Variants in NRXN3 observed in about 807,000 individuals in gnomAD.
NRXN3 encodes the protein neurexin 3.
Under a neutral mutation model 137.6 loss-of-function variants are expected in NRXN3, and 32 were observed. The observed-to-expected ratio is 0.23, with a 90% CI of 0.18 to 0.31. The LOEUF (loss-of-function observed/expected upper bound fraction) is 0.31. NRXN3 is among the 10% of genes least tolerant of loss of function. NRXN3 has a pLI of 1.00. For missense variants in NRXN3, 1,574 were observed against 2,062.5 expected, an observed-to-expected ratio of 0.76 and a Z score of 4.59; for synonymous variants, 798 against 784.5, an observed-to-expected ratio of 1.02 and a Z score of -0.29.
At chr14:79,687,247 A>G (rs1430625842) in intron 17 of NRXN3, among the ~76,000 whole-genome samples, 2 of 152,186 alleles carry the variant, frequency 1.3e-5, no homozygotes, top group Non-Finnish European at 2.9e-5. Context: ...CAAGTGGCCA[A>G]ACATTCTAGA....
chr14:79,062,414 T>A (rs555546523), intron 15 of NRXN3, among the ~76,000 whole-genome samples: 25 of 152,246 alleles, frequency 1.6e-4, no homozygotes, highest in African/African-American at 5.5e-4. Flanking sequence ...ACATTCACAG[T>A]TCACTCTTTT....
In NRXN3 at chr14:79,046,370, G is replaced by A. The variant is rs76461446; in HGVS notation, c.3262+58229G>A. ...TTTTTGCATGGACATGAGATTTGGA[G>A]CAAGGTCTAGAAGCTCATATCAGCA... On this transcript the variant is annotated intron_variant, in intron 15 of 20. Coordinates refer to ENST00000335750, the MANE Select transcript of NRXN3 (RefSeq NM_001330195.2). Among the ~76,000 whole-genome samples, 4 of 152,312 alleles carry A rather than the reference G, an allele frequency of 2.6e-5. No individual in the cohort carries two copies. In the East Asian group the frequency reaches 7.7e-4, roughly 29 times the overall value.
intron 4 of NRXN3, among the ~76,000 whole-genome samples, chr14:78,594,791 A>C (rs2097146229): frequency 6.6e-6 from 1 of 152,168 alleles, no homozygotes; most frequent in Non-Finnish European, 1.5e-5. Flanking sequence ...CTCTCAAAAA[A>C]AGTCTTCTGA....
intron 20 of NRXN3, chr14:79,860,985 G>C: frequency 9.0e-7 from 1 of 1,110,340 alleles, no homozygotes; most frequent in Non-Finnish European, 1.2e-6. Flanking sequence ...CGTTGGTTGA[G>C]TGAGAGTTGT....
At chr14:78,657,951 C>T (rs951611027) in intron 6 of NRXN3, among the ~76,000 whole-genome samples, 1 of 152,030 alleles carries the variant, frequency 6.6e-6, no homozygotes, top group Non-Finnish European at 1.5e-5. Context: ...TTGGGTTGTC[C>T]TCTTTCTTCC....
At chr14:79,833,094 T>A (rs2099328241) in intron 20 of NRXN3, among the ~76,000 whole-genome samples, 1 of 152,242 alleles carries the variant, frequency 6.6e-6, no homozygotes, top group Admixed American at 6.5e-5. Context: ...CCACAGCACG[T>A]CTTTCCTAAT....
chr14:79,588,305 T>G (rs182872226), intron 16 of NRXN3, among the ~76,000 whole-genome samples: 2 of 152,306 alleles, frequency 1.3e-5, no homozygotes, highest in Non-Finnish European at 2.9e-5. Context: ...TAAATGACTA[T>G]AATGTGGGTG....
chr14:79,727,949 C>T (rs529691137), intron 19 of NRXN3, among the ~76,000 whole-genome samples: 2 of 152,258 alleles, frequency 1.3e-5, no homozygotes, highest in South Asian at 4.1e-4. Flanking sequence ...CACATGTGTG[C>T]AAATCAGACA....
At chr14:78,819,048 CT>C (rs1369648190) in intron 10 of NRXN3, among the ~76,000 whole-genome samples, 1 of 152,106 alleles carries the variant, frequency 6.6e-6, no homozygotes, top group Non-Finnish European at 1.5e-5. Flanking sequence ...TCCTGATTTC[CT>C]TTTTTGTTTT....
chr14:78,906,149 ATACT>A (rs1192299346), intron 10 of NRXN3, among the ~76,000 whole-genome samples: 2 of 152,110 alleles, frequency 1.3e-5, no homozygotes, highest in African/African-American at 2.4e-5. Context: ...AAGATTTATG[ATACT>A]TAGTAAAAAT....
At chr14:78,758,866 C>T (rs2098680672) in intron 8 of NRXN3, among the ~76,000 whole-genome samples, 1 of 152,134 alleles carries the variant, frequency 6.6e-6, no homozygotes, top group African/African-American at 2.4e-5. Flanking sequence ...CATCAGTGTC[C>T]TTCGCAAAGA....
intron 16 of NRXN3, among the ~76,000 whole-genome samples, chr14:79,519,487 A>C (rs1385672606): frequency 6.6e-6 from 1 of 151,996 alleles, no homozygotes; most frequent in Non-Finnish European, 1.5e-5. Flanking sequence ...TTTTGTATTA[A>C]AAATATTGAA....
At chr14:78,823,978 T>C (rs376224828) in intron 10 of NRXN3, among the ~76,000 whole-genome samples, 52 of 152,094 alleles carry the variant, frequency 3.4e-4, no homozygotes, top group African/African-American at 1.0e-3. Context: ...TGGTGGTTGG[T>C]TTTTAGGAAG....
At chr14:78,249,216 G>T (rs1159548112) in intron 2 of NRXN3, among the ~76,000 whole-genome samples, 4 of 152,228 alleles carry the variant, frequency 2.6e-5, no homozygotes, top group Admixed American at 6.5e-5. Flanking sequence ...CCGCCCACCA[G>T]CTGCAGGCTG....
At chr14:78,889,897 G>A (rs1187292943) in intron 10 of NRXN3, among the ~76,000 whole-genome samples, 1 of 151,994 alleles carries the variant, frequency 6.6e-6, no homozygotes, top group Admixed American at 6.6e-5. Context: ...GTACAGGTGG[G>A]CCCTAAATCC....
chr14:78,911,118 A>AG (rs1379682451), intron 10 of NRXN3, among the ~76,000 whole-genome samples: 5 of 152,208 alleles, frequency 3.3e-5, no homozygotes, highest in Admixed American at 3.3e-4. Flanking sequence ...CTACATATGA[A>AG]GCACTTATAA....
At chr14:79,131,103 C>T (rs1306045709) in intron 15 of NRXN3, among the ~76,000 whole-genome samples, 3 of 152,200 alleles carry the variant, frequency 2.0e-5, no homozygotes, top group Admixed American at 6.5e-5. Context: ...AGGTTTTCAA[C>T]TTCTTTGCCT....
At chr14:79,256,769 A>C (rs779309223) in intron 15 of NRXN3, among the ~76,000 whole-genome samples, 2 of 152,218 alleles carry the variant, frequency 1.3e-5, no homozygotes, top group African/African-American at 2.4e-5. Context: ...TGTCAAGTCA[A>C]CTTAATTCTC....
intron 6 of NRXN3, among the ~76,000 whole-genome samples, chr14:78,689,193 T>C (rs1199783359): frequency 6.6e-6 from 1 of 152,124 alleles, no homozygotes; most frequent in Non-Finnish European, 1.5e-5. Flanking sequence ...CTTAAAAGTA[T>C]AGTTAGTGCC....
Sources: gnomAD v4.1 joint callset for allele counts (sites outside exome capture counted in the v4.1 genomes callset) on GRCh38, gnomAD v4.1.1 for gene constraint, MANE v1.5 for transcripts, NCBI Gene and HGNC (gene_info 2026-07-23, HGNC 2026-07-21) for gene names.